C5: variants seen among roughly 807,000 people sequenced by gnomAD.
C5 encodes the protein C3 and PZP-like alpha-2-macroglobulin domain-containing protein 4.
C5 carries 140 observed loss-of-function variants against 218.8 expected under a neutral mutation model. The observed-to-expected ratio is 0.64, with a 90% CI of 0.56 to 0.74. The LOEUF (loss-of-function observed/expected upper bound fraction) is 0.74. Ranked by LOEUF, C5 falls within the 30% of genes least tolerant of loss-of-function variation. The probability of loss-of-function intolerance (pLI) is 0.00; values close to 1 mark genes in which losing one functional copy is unlikely to be tolerated. For missense variants in C5, 1,700 were observed against 1,969.6 expected, an observed-to-expected ratio of 0.86 and a Z score of 2.59; for synonymous variants, 614 against 682.3, an observed-to-expected ratio of 0.90 and a Z score of 1.56.
intron 20 of C5, among the ~76,000 whole-genome samples, chr9:121,003,280 G>T (rs1465896916): frequency 6.6e-6 from 1 of 151,134 alleles, no homozygotes; most frequent in African/African-American, 2.4e-5. Context: ...GACAGAGCAA[G>T]ACTCTGTCTC....
chr9:120,999,350 G>A (rs2047141691), intron 20 of C5, among the ~76,000 whole-genome samples: 2 of 152,174 alleles, frequency 1.3e-5, no homozygotes, highest in South Asian at 4.1e-4. Flanking sequence ...GCTTTTTATA[G>A]CTTTACCCTG....
chr9:121,072,475 C>G, the C5 span, among the ~76,000 whole-genome samples: 3 of 152,034 alleles, frequency 2.0e-5, no homozygotes, highest in Non-Finnish European at 4.4e-5. Flanking sequence ...CGTACACATT[C>G]CAATCTAATA....
intron 27 of C5, among the ~76,000 whole-genome samples, 200 bp downstream of exon 27, chr9:120,981,644 C>T (rs2046994651): frequency 6.6e-6 from 1 of 152,154 alleles, no homozygotes. Context: ...TCTCAACTGC[C>T]GATGAGTAGG....
chr9:121,022,421 A>G (rs2047374099), intron 10 of C5, among the ~76,000 whole-genome samples: 1 of 148,664 alleles, frequency 6.7e-6, no homozygotes, highest in South Asian at 2.1e-4. Context: ...TTTAGTATAT[A>G]TATTATATAT....
intron 39 of C5, among the ~76,000 whole-genome samples, chr9:120,954,788 A>G (rs2046772897): frequency 6.6e-6 from 1 of 152,228 alleles, no homozygotes; most frequent in Non-Finnish European, 1.5e-5. Flanking sequence ...GTAAATGGTA[A>G]ACTTTCATTA....
At chr9:121,023,775 A>G (rs1022707270) in intron 9 of C5, among the ~76,000 whole-genome samples, 1 of 152,110 alleles carries the variant, frequency 6.6e-6, no homozygotes, top group African/African-American at 2.4e-5. Context: ...AAGTAGAGCT[A>G]CAGGACTGGA....
intron 17 of C5, among the ~76,000 whole-genome samples, 196 bp from the exon 18 acceptor site, chr9:121,008,694 C>T (rs755189547): frequency 3.5e-4 from 53 of 152,046 alleles, no homozygotes; most frequent in Non-Finnish European, 6.8e-4. Flanking sequence ...CTTTGGGAGG[C>T]CGAGGTGGGC....
chr9:120,963,864 G>A (rs1312746926), intron 33 of C5, 126 bp from the exon 34 acceptor site: 5 of 695,464 alleles, frequency 7.2e-6, no homozygotes, highest in Non-Finnish European at 1.3e-5. Context: ...TTTCTACAAT[G>A]TATGGGTTAA....
chr9:121,074,832 G>T, the C5 span: 3 of 456,200 alleles, frequency 6.6e-6, no homozygotes, highest in South Asian at 4.6e-5. Context: ...AAGACTCCCC[G>T]GCATCCTAGC....
chr9:121,041,445 C>A (rs933893566), intron 3 of C5, among the ~76,000 whole-genome samples: 1 of 151,938 alleles, frequency 6.6e-6, no homozygotes, highest in Middle Eastern at 3.4e-3. Flanking sequence ...GCTGGGATTA[C>A]AGGCGCCTGC....
intron 12 of C5, among the ~76,000 whole-genome samples, chr9:121,019,702 T>C (rs1352932168): frequency 6.6e-6 from 1 of 152,154 alleles, no homozygotes; most frequent in Non-Finnish European, 1.5e-5. Context: ...GGAGTCAGAG[T>C]CCTCAGCTCA....
intron 3 of C5, among the ~76,000 whole-genome samples, chr9:121,038,196 C>T (rs1324173561): frequency 6.6e-6 from 1 of 152,148 alleles, no homozygotes; most frequent in Non-Finnish European, 1.5e-5. Flanking sequence ...GTACAGTTCA[C>T]TTTCTTAAAA....
intron 15 of C5, 97 bp from the exon 16 acceptor site, chr9:121,015,358 A>ACAAGT: frequency 1.3e-6 from 1 of 765,528 alleles, no homozygotes. Flanking sequence ...TAGAGCCTTC[A>ACAAGT]CAAGTCATTC....
At chr9:121,034,074 C>T (rs2047501892) in intron 5 of C5, among the ~76,000 whole-genome samples, 2 of 152,132 alleles carry the variant, frequency 1.3e-5, no homozygotes, top group African/African-American at 4.8e-5. Flanking sequence ...GTGCCTGCCA[C>T]CACGCCTGGC....
chr9:120,997,617 A>C lies in C5; in HGVS notation c.2720T>G (p.Leu907Arg). Residue 907 changes from leucine (L) to arginine (R), a missense_variant, in exon 21 of 41, where the codon CTT (leucine) becomes CGT (arginine). Transcript: ENST00000223642. ...TFTVLPLEIG[L>R]HNINFSLETW... is the part of the protein sequence containing the mutation. The stretch of plus-strand genomic sequence containing the variant: ...CTCCAGTGAAAAATTGATGTTGTGA[A>C]GGCCAATTTCCAGAGGAAGCACAGT... The C allele has an allele frequency of 6.2e-7, 1 of 1,614,104 alleles. No individual in the cohort carries two copies. The highest frequency in any genetic ancestry group is 8.5e-7 in the Non-Finnish European group (1 of 1,180,014).
upstream of C5, among the ~76,000 whole-genome samples, chr9:121,051,190 T>C (rs2047668923): frequency 6.6e-6 from 1 of 151,952 alleles, no homozygotes; most frequent in Admixed American, 6.5e-5. Flanking sequence ...TGGCACTATC[T>C]TGGCTCAGGG....
chr9:121,045,666 C>T (rs998793301), intron 2 of C5, among the ~76,000 whole-genome samples: 1 of 152,036 alleles, frequency 6.6e-6, no homozygotes, highest in African/African-American at 2.4e-5. Flanking sequence ...ACTACAATAT[C>T]TTAATAGGAG....
chr9:121,017,462 GAC>G lies in C5; in HGVS notation c.1764_1765del (p.Leu590Ter). The G allele has an allele frequency of 1.2e-6, 2 of 1,613,884 alleles. No homozygotes were observed. ...ATCCATTCCAGTTGCCATATTAAGA[GAC>G]ACAGTTTGGCCTGGAGAATATGCAT... On this transcript the variant is annotated frameshift_variant, in exon 14 of 41. Transcript: ENST00000223642. LOFTEE classifies it high-confidence loss of function.
chr9:121,015,797 T>C (rs1306924057), intron 15 of C5, among the ~76,000 whole-genome samples: 3 of 152,164 alleles, frequency 2.0e-5, no homozygotes, highest in African/African-American at 4.8e-5. Flanking sequence ...AACTTGTAAA[T>C]AGATCTAGTC....
Sources: allele counts gnomAD v4.1 joint callset (sites outside exome capture counted in the v4.1 genomes callset), GRCh38; gene constraint gnomAD v4.1.1; transcripts MANE v1.5; gene names NCBI Gene and HGNC (gene_info 2026-07-23, HGNC 2026-07-21).